The following NALF1 variants were observed in gnomAD, a reference collection of about 807,000 sequenced individuals.
NALF1 encodes NALCN channel auxiliary factor 1, also known as family with sequence similarity 155 member A.
Under a neutral mutation model 48.4 loss-of-function variants are expected in NALF1, and 3 were observed. The observed-to-expected ratio is 0.06, with a 90% confidence interval of 0.03 to 0.16. The LOEUF (loss-of-function observed/expected upper bound fraction) is 0.16, where lower values mean the gene tolerates loss of function less well. NALF1 is among the 10% of genes least tolerant of loss of function. The probability of loss-of-function intolerance (pLI) is 1.00; values close to 1 mark genes in which losing one functional copy is unlikely to be tolerated. For synonymous variants in NALF1, 262 were observed against 245.7 expected, an observed-to-expected ratio of 1.07 and a Z score of -0.62; for missense variants, 526 against 571.5, an observed-to-expected ratio of 0.92 and a Z score of 0.81.
At chr13:107,848,257 C>T (rs760019676) in intron 1 of NALF1, among the ~76,000 whole-genome samples, 7 of 152,060 alleles carry the variant, frequency 4.6e-5, no homozygotes, top group Non-Finnish European at 1.0e-4. Flanking sequence ...TTACAATGTT[C>T]AAAAGTATGG....
chr13:107,380,117 G>GTTATAGT, intron 1 of NALF1, among the ~76,000 whole-genome samples: 1 of 152,040 alleles, frequency 6.6e-6, no homozygotes, highest in Non-Finnish European at 1.5e-5. Context: ...ATCTTTTATA[G>GTTATAGT]TTATAGTATC....
At chr13:107,349,207 C>A (rs972298476) in intron 1 of NALF1, among the ~76,000 whole-genome samples, 3 of 152,166 alleles carry the variant, frequency 2.0e-5, no homozygotes, top group African/African-American at 7.2e-5. Context: ...AGAGAAAAAT[C>A]GCTTCTTTCT....
At chr13:107,691,557 T>A (rs1881569621) in intron 1 of NALF1, among the ~76,000 whole-genome samples, 1 of 152,182 alleles carries the variant, frequency 6.6e-6, no homozygotes, top group South Asian at 2.1e-4. Flanking sequence ...ACACCATATG[T>A]TCAAAGTCAA....
chr13:107,759,518 G>C (rs1877207112), intron 1 of NALF1, among the ~76,000 whole-genome samples: 1 of 152,032 alleles, frequency 6.6e-6, no homozygotes, highest in Non-Finnish European at 1.5e-5. Flanking sequence ...TTGTGTCTCT[G>C]AATTCTTGCA....
At chr13:107,312,439 G>A (rs1337352998) in intron 1 of NALF1, among the ~76,000 whole-genome samples, 2 of 152,042 alleles carry the variant, frequency 1.3e-5, no homozygotes, top group Non-Finnish European at 2.9e-5. Flanking sequence ...GGGGAAGGGG[G>A]GAGGGATAGC....
intron 1 of NALF1, among the ~76,000 whole-genome samples, chr13:107,749,128 TTGTGTGTGTGTGTGTG>T (rs58213843): frequency 2.7e-5 from 4 of 147,450 alleles, no homozygotes; most frequent in South Asian, 2.2e-4. Flanking sequence ...ATGTCTATAA[TTGTGTGTGTGTGTGTG>T]TGTGTGTGTG....
chr13:107,249,642 G>A (rs200371621), intron 1 of NALF1, among the ~76,000 whole-genome samples: 1 of 116,724 alleles, frequency 8.6e-6, no homozygotes, highest in African/African-American at 3.5e-5. Flanking sequence ...ATTTCACTAT[G>A]TCATTTTCAC....
intron 1 of NALF1, among the ~76,000 whole-genome samples, chr13:107,311,757 C>A (rs550328249): frequency 2.6e-5 from 4 of 151,944 alleles, no homozygotes; most frequent in Non-Finnish European, 5.9e-5. Context: ...AACAAGTTGG[C>A]GAAGGATATG....
intron 1 of NALF1, among the ~76,000 whole-genome samples, chr13:107,623,855 G>T (rs575159974): frequency 6.6e-6 from 1 of 152,256 alleles, no homozygotes; most frequent in South Asian, 2.1e-4. Flanking sequence ...AAAGAGCTTT[G>T]GCCCAAAAGA....
intron 1 of NALF1, among the ~76,000 whole-genome samples, chr13:107,211,646 A>T (rs1879763906): frequency 6.6e-6 from 1 of 152,204 alleles, no homozygotes; most frequent in Non-Finnish European, 1.5e-5. Context: ...AGGTTACTGA[A>T]ATTCAGTTAT....
chr13:107,280,109 A>C (rs972994), intron 1 of NALF1, among the ~76,000 whole-genome samples: 122,459 of 152,026 alleles, frequency 0.81, 50,763 homozygotes, highest in South Asian at 0.93. Context: ...CTAGTTTATT[A>C]TTCTATATAT....
intron 1 of NALF1, among the ~76,000 whole-genome samples, chr13:107,548,738 G>C (rs1412584646): frequency 6.6e-6 from 1 of 151,944 alleles, no homozygotes; most frequent in East Asian, 1.9e-4. Context: ...GTGTTCTGTT[G>C]GACCCATTGA....
chr13:107,612,250 T>C (rs1443135454), intron 1 of NALF1, among the ~76,000 whole-genome samples: 1 of 151,258 alleles, frequency 6.6e-6, no homozygotes, highest in Non-Finnish European at 1.5e-5. Context: ...AAAACAGAAA[T>C]TTGCCAGGGG....
chr13:107,237,828 AAAG>A (rs1272716497), intron 1 of NALF1, among the ~76,000 whole-genome samples: 1 of 152,206 alleles, frequency 6.6e-6, no homozygotes, highest in East Asian at 1.9e-4. Context: ...TATTGGGTGA[AAAG>A]AGCAGTGAGT....
At chr13:107,798,470 A>G (rs1254985366) in intron 1 of NALF1, among the ~76,000 whole-genome samples, 1 of 152,152 alleles carries the variant, frequency 6.6e-6, no homozygotes, top group African/African-American at 2.4e-5. Context: ...TAGCACAATT[A>G]TTATCAATCT....
intron 1 of NALF1, among the ~76,000 whole-genome samples, chr13:107,531,558 T>C (rs546784951): frequency 2.0e-4 from 31 of 152,262 alleles, no homozygotes; most frequent in Admixed American, 1.0e-3. Flanking sequence ...AATGCAAGAA[T>C]GGTCTAATAT....
At chr13:107,527,424 A>T (rs1876482455) in intron 1 of NALF1, among the ~76,000 whole-genome samples, 1 of 152,192 alleles carries the variant, frequency 6.6e-6, no homozygotes, top group African/African-American at 2.4e-5. Context: ...TAGTTTTCAA[A>T]GAGTTAATTA....
In NALF1 at chr13:107,163,711, A is replaced by T. The variant is rs1178035924; in HGVS notation, c.*6786T>A. ...TAAAAAAGTACTTGAGTACATTCAG[A>T]AAAACAATTTAAAAATAATACATGA... On this transcript the variant is annotated 3_prime_UTR_variant, in exon 3 of 3. Transcript: ENST00000375915. 1.3e-5 allele frequency: 2 copies of T among 152,198 alleles called. No individual in the cohort carries two copies. The highest frequency in any genetic ancestry group is 2.9e-5 in the Non-Finnish European group (2 of 68,024). 9.4% of individuals were successfully genotyped at this position (152,198 alleles called of 1,614,324 possible). A position where few individuals can be genotyped will look rare whatever the true frequency, so the allele number is the denominator to read the frequency against.
chr13:107,531,930 C>T (rs539564975), intron 1 of NALF1, among the ~76,000 whole-genome samples: 11 of 152,060 alleles, frequency 7.2e-5, no homozygotes, highest in South Asian at 4.2e-4. Context: ...CTTCTATTTA[C>T]GTATTTGTTT....
Sources: gnomAD v4.1 joint callset for allele counts (sites outside exome capture counted in the v4.1 genomes callset) on GRCh38, gnomAD v4.1.1 for gene constraint, MANE v1.5 for transcripts, NCBI Gene and HGNC (gene_info 2026-07-23, HGNC 2026-07-21) for gene names.